Variants in PDK1 observed in about 807,000 individuals in gnomAD.
The protein encoded by PDK1 is pyruvate dehydrogenase kinase 1.
Under a neutral mutation model 54.2 loss-of-function variants are expected in PDK1, and 39 were observed. The ratio of observed to expected loss-of-function variants is 0.72; its 90% CI spans 0.56 to 0.94. The LOEUF (loss-of-function observed/expected upper bound fraction) is 0.94. Among genes scored for constraint, PDK1 ranks in the 40% least tolerant of loss-of-function variants. PDK1 has a pLI of 0.00. For missense variants in PDK1, 552 were observed against 566.0 expected, an observed-to-expected ratio of 0.98 and a Z score of 0.25; for synonymous variants, 221 against 207.1, an observed-to-expected ratio of 1.07 and a Z score of -0.58.
At chr2:172,587,310 G>A (rs1261796973) in intron 9 of PDK1, among the ~76,000 whole-genome samples, 2 of 152,178 alleles carry the variant, frequency 1.3e-5, no homozygotes, top group Admixed American at 1.3e-4. Context: ...CTTCAGGAGT[G>A]AAGCTGCAGA....
the PDK1 span, among the ~76,000 whole-genome samples, chr2:172,670,829 G>C: frequency 6.6e-6 from 1 of 152,122 alleles, no homozygotes; most frequent in African/African-American, 2.4e-5. Context: ...TTATAAGAGG[G>C]ATTGATAGTC....
chr2:172,572,389 C>A (rs958175855), intron 8 of PDK1, among the ~76,000 whole-genome samples: 1 of 152,038 alleles, frequency 6.6e-6, no homozygotes, highest in African/African-American at 2.4e-5. Context: ...CAAGTATTGC[C>A]GCTGTCTCAT....
chr2:172,634,130 A>C, the PDK1 span, among the ~76,000 whole-genome samples: 1 of 151,366 alleles, frequency 6.6e-6, no homozygotes, highest in Non-Finnish European at 1.5e-5. Flanking sequence ...TGCCCGCCTC[A>C]GCCTCCCAAA....
At position 172,560,046 on chromosome 2, in the gene PDK1, T is replaced by C. The variant is rs1011069028; in HGVS notation, c.338+1197T>C. 2.6e-5 allele frequency among the ~76,000 whole-genome samples: 4 copies of C among 152,340 alleles called. No homozygotes were observed. In the East Asian group the frequency reaches 7.7e-4, roughly 29 times the overall value. ...TTTTAGCAGAGATGGGGTTTTTCCA[T>C]GTTGCCTACGCTGGCCTCAAACTCC... is the stretch of plus-strand genomic sequence containing the variant. On this transcript the variant is annotated intron_variant, in intron 2 of 10. Transcript: ENST00000282077.
At chr2:172,588,843 A>T (rs1420008506) in intron 9 of PDK1, among the ~76,000 whole-genome samples, 1 of 152,196 alleles carries the variant, frequency 6.6e-6, no homozygotes, top group African/African-American at 2.4e-5. Context: ...ACATCCACAC[A>T]TCTCTGTTCC....
At chr2:172,582,729 A>T (rs547583905) in intron 8 of PDK1, among the ~76,000 whole-genome samples, 10 of 152,280 alleles carry the variant, frequency 6.6e-5, no homozygotes, top group Admixed American at 1.3e-4. Flanking sequence ...CCAATAATCT[A>T]TTACTGCTCT....
In PDK1 at chr2:172,558,788, G is replaced by A. The variant is rs1688496840; in HGVS notation, c.277G>A (p.Glu93Lys). 6.2e-7 allele frequency: 1 copy of A among 1,611,812 alleles called. No individual in the cohort carries two copies. The highest frequency in any genetic ancestry group is 1.3e-5 in the African/African-American group (1 of 74,764). ...TGTCAGACTGGCAAATATAATGAAA[G>A]AAATAAGTCTCCTTCCAGATAATCT... ...LPVRLANIMKEISLLPDNLLR... is the reference protein window; with the variant it reads ...LPVRLANIMKKISLLPDNLLR... Residue 93 changes from glutamate to lysine, a missense_variant, in exon 2 of 11, where the codon GAA becomes AAA. By Grantham distance (56) the Glu-to-Lys change is moderately conservative (BLOSUM62 1). Transcript: ENST00000282077.
At chr2:172,666,990 T>C in the PDK1 span, among the ~76,000 whole-genome samples, 1 of 152,216 alleles carries the variant, frequency 6.6e-6, no homozygotes, top group African/African-American at 2.4e-5. Flanking sequence ...TTTTTATTTG[T>C]ATAAATCTAA....
At chr2:172,690,869 G>A in the PDK1 span, among the ~76,000 whole-genome samples, 1 of 148,758 alleles carries the variant, frequency 6.7e-6, no homozygotes, top group South Asian at 2.2e-4. Flanking sequence ...GGGAGCTGGG[G>A]GAGGGATAGG....
chr2:172,660,245 C>T, the PDK1 span, among the ~76,000 whole-genome samples: 39 of 55,658 alleles, frequency 7.0e-4, no homozygotes, highest in Non-Finnish European at 1.0e-3. Flanking sequence ...CTCTCTCTCT[C>T]TCTTTTTTTT....
intron 9 of PDK1, among the ~76,000 whole-genome samples, chr2:172,591,136 A>G (rs1441099436): frequency 6.6e-6 from 1 of 152,182 alleles, no homozygotes; most frequent in Non-Finnish European, 1.5e-5. Context: ...TTGTAAGACC[A>G]TCTATAGCTT....
upstream of PDK1, chr2:172,555,843 G>A (rs1688278049): frequency 7.5e-6 from 2 of 268,200 alleles, no homozygotes; most frequent in Admixed American, 5.5e-5. Context: ...CACCTCGCCG[G>A]CTGGGGCGGG....
the PDK1 span, among the ~76,000 whole-genome samples, chr2:172,614,981 T>C: frequency 3.1e-5 from 3 of 97,922 alleles, no homozygotes. Flanking sequence ...AACAGTGTAC[T>C]ATTGTGTACT....
At chr2:172,664,717 C>T in the PDK1 span, among the ~76,000 whole-genome samples, 1 of 152,120 alleles carries the variant, frequency 6.6e-6, no homozygotes, top group African/African-American at 2.4e-5. Context: ...TTCTTCTGGC[C>T]CTTTCTCCTT....
the PDK1 span, among the ~76,000 whole-genome samples, chr2:172,658,711 T>C: frequency 6.6e-6 from 1 of 152,186 alleles, no homozygotes; most frequent in South Asian, 2.1e-4. Flanking sequence ...ATGGCCGCTC[T>C]GAGAGTATCT....
intron 9 of PDK1, among the ~76,000 whole-genome samples, chr2:172,591,503 T>C (rs1387114918): frequency 6.6e-6 from 1 of 152,212 alleles, no homozygotes; most frequent in Non-Finnish European, 1.5e-5. Flanking sequence ...AGGATAGATT[T>C]CGTTATTTCT....
chr2:172,583,971 T>C (rs1690068175), intron 8 of PDK1, among the ~76,000 whole-genome samples: 2 of 152,286 alleles, frequency 1.3e-5, no homozygotes, highest in South Asian at 4.1e-4. Context: ...ATAAGCTGGA[T>C]AGTAGCTAGG....
the PDK1 span, among the ~76,000 whole-genome samples, chr2:172,619,351 A>G: frequency 6.6e-6 from 1 of 152,146 alleles, no homozygotes; most frequent in African/African-American, 2.4e-5. Context: ...CTGTCTTCCC[A>G]TAGTCTGAAC....
At chr2:172,594,829 G>C (rs1213979638) in intron 10 of PDK1, among the ~76,000 whole-genome samples, 3 of 152,160 alleles carry the variant, frequency 2.0e-5, no homozygotes, top group African/African-American at 7.2e-5. Flanking sequence ...AAGATAACTA[G>C]AAATGTAGTT....
Sources: allele counts gnomAD v4.1 joint callset (sites outside exome capture counted in the v4.1 genomes callset), GRCh38; gene constraint gnomAD v4.1.1; transcripts MANE v1.5; gene names NCBI Gene and HGNC (gene_info 2026-07-23, HGNC 2026-07-21).